The following CDC42BPA variants were observed in gnomAD, a reference collection of about 807,000 sequenced individuals.
CDC42BPA encodes serine/threonine-protein kinase MRCK alpha.
Under a neutral mutation model 223.5 loss-of-function variants are expected in CDC42BPA, and 80 were observed. The observed-to-expected ratio is 0.36, with a 90% CI of 0.30 to 0.43. The LOEUF is 0.43. Ranked by LOEUF, CDC42BPA falls within the 20% of genes least tolerant of loss-of-function variation. CDC42BPA has a pLI of 1.00. For synonymous variants in CDC42BPA, 694 were observed against 718.6 expected (o/e 0.97, Z 0.55); for missense variants, 1,743 against 2,099.9 (o/e 0.83, Z 3.32).
intron 1 of CDC42BPA, among the ~76,000 whole-genome samples, chr1:227,312,025 T>G (rs1693627825): frequency 6.6e-6 from 1 of 152,232 alleles, no homozygotes; most frequent in Non-Finnish European, 1.5e-5. Flanking sequence ...CTGAAGTATT[T>G]CAAACTATTT....
intron 1 of CDC42BPA, among the ~76,000 whole-genome samples, 187 bp downstream of exon 1, chr1:227,316,818 A>AG (rs1350378853): frequency 6.6e-6 from 1 of 152,220 alleles, no homozygotes; most frequent in Non-Finnish European, 1.5e-5. Flanking sequence ...GCAACAATTG[A>AG]GCAGCACAAT....
intron 1 of CDC42BPA, among the ~76,000 whole-genome samples, chr1:227,257,548 A>C (rs1558886838): frequency 1.3e-5 from 2 of 150,740 alleles, no homozygotes; most frequent in Non-Finnish European, 2.9e-5. Context: ...TCAGGAGTTC[A>C]AGACCAGCCT....
intron 14 of CDC42BPA, among the ~76,000 whole-genome samples, chr1:227,102,507 G>C (rs1156561239): frequency 6.6e-6 from 1 of 152,030 alleles, no homozygotes; most frequent in Non-Finnish European, 1.5e-5. Context: ...ACTACTTAAA[G>C]AAAAGAACAC....
In CDC42BPA at chr1:227,168,497, G is replaced by GTTTTTTTTTTTTTTTTTTTTTTTTTT. The variant is rs1292387936; in HGVS notation, c.600-7862_600-7861insAAAAAAAAAAAAAAAAAAAAAAAAAA. On this transcript the variant is annotated intron_variant, in intron 5 of 36. Coordinates refer to ENST00000366766, the MANE Select transcript of CDC42BPA (RefSeq NM_001394014.1). ...CTTTTTCATATTTATCTTCCCTGGT[G>GTTTTTTTTTTTTTTTTTTTTTTTTTT]TTTTTTTTTTTTTTTTGAGGCAGAG... Among the ~76,000 whole-genome samples the GTTTTTTTTTTTTTTTTTTTTTTTTTT allele has an allele frequency of 2.4e-4, 19 of 80,206 alleles. 3 individuals are homozygous for GTTTTTTTTTTTTTTTTTTTTTTTTTT. The highest frequency in any genetic ancestry group is 3.3e-4 in the East Asian group (1 of 2,988). The allele number at this position is 80,206 out of a possible 152,430, so 52.6% of individuals were successfully genotyped here. A position where few individuals can be genotyped will look rare whatever the true frequency, so the allele number is the denominator to read the frequency against.
intron 27 of CDC42BPA, among the ~76,000 whole-genome samples, chr1:227,032,274 C>G (rs1033684790): frequency 2.0e-5 from 3 of 152,066 alleles, no homozygotes; most frequent in African/African-American, 7.2e-5. Context: ...CTATGAAAAT[C>G]AGTTATAGAT....
At chr1:227,185,324 T>G (rs552143496) in intron 5 of CDC42BPA, among the ~76,000 whole-genome samples, 4 of 152,282 alleles carry the variant, frequency 2.6e-5, no homozygotes, top group Middle Eastern at 3.4e-3. Flanking sequence ...CAACCTTTGA[T>G]ATGCAAATGT....
At chr1:227,213,825 A>C (rs1448400604) in intron 2 of CDC42BPA, among the ~76,000 whole-genome samples, 2 of 152,154 alleles carry the variant, frequency 1.3e-5, no homozygotes, top group African/African-American at 4.8e-5. Flanking sequence ...TAAACTTTAC[A>C]CATCCCTTCC....
intron 1 of CDC42BPA, among the ~76,000 whole-genome samples, chr1:227,316,738 C>T (rs1048679141): frequency 2.6e-5 from 4 of 152,198 alleles, no homozygotes; most frequent in African/African-American, 9.6e-5. Flanking sequence ...GATTTAAAAT[C>T]TCTTACTGTT....
At chr1:227,262,828 T>G (rs1267529145) in intron 1 of CDC42BPA, among the ~76,000 whole-genome samples, 1 of 152,218 alleles carries the variant, frequency 6.6e-6, no homozygotes, top group Non-Finnish European at 1.5e-5. Context: ...AAAATATAAC[T>G]CACCTAAACA....
chr1:227,086,274 A>G (rs1681870798), intron 16 of CDC42BPA, among the ~76,000 whole-genome samples: 1 of 152,136 alleles, frequency 6.6e-6, no homozygotes, highest in South Asian at 2.1e-4. Context: ...CTATTATGAG[A>G]ATATTATGCT....
intron 1 of CDC42BPA, among the ~76,000 whole-genome samples, chr1:227,267,948 G>A (rs901882588): frequency 1.3e-5 from 2 of 152,076 alleles, no homozygotes; most frequent in African/African-American, 4.8e-5. Flanking sequence ...AAGAATCTTG[G>A]ACAATTCATA....
intron 35 of CDC42BPA, among the ~76,000 whole-genome samples, chr1:226,997,289 G>A (rs1345431872): frequency 6.6e-6 from 1 of 152,124 alleles, no homozygotes; most frequent in Non-Finnish European, 1.5e-5. Context: ...ATTTCTGTGG[G>A]ATCAGTGGTG....
At chr1:227,244,550 G>C (rs1280091693) in intron 2 of CDC42BPA, among the ~76,000 whole-genome samples, 1 of 152,000 alleles carries the variant, frequency 6.6e-6, no homozygotes, top group Non-Finnish European at 1.5e-5. Context: ...ATCTTGATCT[G>C]CTTGATGGTT....
intron 22 of CDC42BPA, among the ~76,000 whole-genome samples, chr1:227,048,488 G>C (rs987932527): frequency 2.0e-5 from 3 of 151,814 alleles, no homozygotes; most frequent in Non-Finnish European, 4.4e-5. Context: ...CATAGACAGA[G>C]ACTGACACTG....
chr1:227,108,864 C>T (rs1263281111), intron 14 of CDC42BPA, among the ~76,000 whole-genome samples: 2 of 152,112 alleles, frequency 1.3e-5, no homozygotes, highest in East Asian at 1.9e-4. Flanking sequence ...GATGGTACAG[C>T]CTACTACACA....
intron 17 of CDC42BPA, among the ~76,000 whole-genome samples, chr1:227,077,162 T>G (rs773539626): frequency 8.5e-5 from 13 of 152,232 alleles, no homozygotes; most frequent in South Asian, 2.1e-4. Context: ...CTTTGATTCT[T>G]AAGTCATATA....
Position 227,069,817 on chromosome 1 carries a change from G to T in CDC42BPA, c.2864C>A (p.Ala955Glu). ...EHQDSQHSFL[A>E]FLNTPTDALD... ...AGCATCGGTAGGCGTATTCAAAAATGCCAAGAAAGAATGCTGTGAGTCTTG... is the reference window on the plus strand; with the variant it reads ...AGCATCGGTAGGCGTATTCAAAAATTCCAAGAAAGAATGCTGTGAGTCTTG... Residue 955 changes from alanine (A) to glutamate (E), a missense_variant, in exon 21 of 37, where the codon GCA becomes GAA. This residue lies in a region of CDC42BPA where 678 missense variants were observed against 777.5 expected (regional missense o/e 0.87). Transcript: ENST00000366766. The T allele has an allele frequency of 6.2e-7, 1 of 1,611,686 alleles. No individual in the cohort carries two copies. Among genetic ancestry groups the T allele is most frequent in the Non-Finnish European group, 8.5e-7 (1 of 1,178,248 alleles).
At chr1:227,049,773 A>G (rs892015242) in intron 22 of CDC42BPA, among the ~76,000 whole-genome samples, 2 of 152,188 alleles carry the variant, frequency 1.3e-5, no homozygotes, top group African/African-American at 2.4e-5. Context: ...GCCATTACAA[A>G]TCGATGGGGG....
chr1:227,187,783 A>G (rs528053727), intron 5 of CDC42BPA, among the ~76,000 whole-genome samples: 2 of 151,154 alleles, frequency 1.3e-5, no homozygotes, highest in South Asian at 4.2e-4. Context: ...GAGGAAAAAA[A>G]CACCTTATGC....
Sources: gnomAD v4.1 joint callset for allele counts (sites outside exome capture counted in the v4.1 genomes callset) on GRCh38, gnomAD v4.1.1 for gene constraint, gnomAD v4.1.1 regional missense constraint, MANE v1.5 for transcripts, NCBI Gene and HGNC (gene_info 2026-07-23, HGNC 2026-07-21) for gene names.